The following AFAP1 variants were observed in gnomAD, a reference collection of about 807,000 sequenced individuals.
The protein encoded by AFAP1 is actin filament associated protein 1.
AFAP1 carries 75 observed loss-of-function variants against 93.9 expected under a neutral mutation model. The observed-to-expected ratio is 0.80, with a 90% CI of 0.66 to 0.97. The LOEUF (loss-of-function observed/expected upper bound fraction) is 0.97, where lower values mean the gene tolerates loss of function less well. AFAP1 is among the 50% of genes least tolerant of loss of function. The pLI is 0.00. For synonymous variants in AFAP1, 517 were observed against 430.7 expected, an observed-to-expected ratio of 1.20 and a Z score of -2.48; for missense variants, 1,201 against 1,050.8, an observed-to-expected ratio of 1.14 and a Z score of -1.98.
chr4:7,842,325 T>TA (rs899094207), intron 5 of AFAP1, among the ~76,000 whole-genome samples: 1 of 118,594 alleles, frequency 8.4e-6, no homozygotes, highest in African/African-American at 3.1e-5. Context: ...AAAAAAAAGA[T>TA]AAAAAAAGGA....
At chr4:7,807,123 GTC>G (rs1306931842) in intron 9 of AFAP1, among the ~76,000 whole-genome samples, 1 of 152,182 alleles carries the variant, frequency 6.6e-6, no homozygotes, top group Non-Finnish European at 1.5e-5. Context: ...TTGGGCCAAA[GTC>G]TCTCAATTGC....
chr4:7,925,180 T>C (rs1222656719), intron 1 of AFAP1, among the ~76,000 whole-genome samples: 2 of 150,984 alleles, frequency 1.3e-5, no homozygotes, highest in East Asian at 4.0e-4. Flanking sequence ...AGAATAAGTC[T>C]TAAATGAGGG....
At chr4:7,793,082 T>C (rs939337655) in intron 11 of AFAP1, among the ~76,000 whole-genome samples, 1 of 152,208 alleles carries the variant, frequency 6.6e-6, no homozygotes, top group Non-Finnish European at 1.5e-5. Flanking sequence ...TACCAAGAAC[T>C]GCTGCTACAA....
Position 7,798,489 on chromosome 4 carries a change from G to A in AFAP1, c.1266+1953C>T, listed in dbSNP as rs115652527. ...ATTGCAACTCTATTGGCTGGCTCAC[G>A]GCATTTCACCACTGATGAGGTCAGG... On this transcript the variant is annotated intron_variant, in intron 10 of 17. Coordinates refer to ENST00000420658, the MANE Select transcript of AFAP1 (RefSeq NM_001134647.2). Among the ~76,000 whole-genome samples, 290 of 148,432 alleles carry A rather than the reference G, an allele frequency of 2.0e-3. 1 individual carries two copies. The highest frequency in any genetic ancestry group is 6.0e-3 in the African/African-American group (242 of 40,186).
intron 4 of AFAP1, among the ~76,000 whole-genome samples, chr4:7,853,952 G>A (rs1049923072): frequency 6.6e-6 from 1 of 152,172 alleles, no homozygotes; most frequent in African/African-American, 2.4e-5. Context: ...CAGCCCCACT[G>A]AAGGGGCCGT....
intron 8 of AFAP1, among the ~76,000 whole-genome samples, chr4:7,813,033 T>C (rs1376105287): frequency 1.3e-5 from 2 of 152,180 alleles, no homozygotes; most frequent in African/African-American, 2.4e-5. Context: ...CAGGAGGGAT[T>C]CCGCCTTGAG....
intron 1 of AFAP1, among the ~76,000 whole-genome samples, chr4:7,891,879 C>A (rs1028066056): frequency 1.3e-5 from 2 of 151,554 alleles, no homozygotes; most frequent in Admixed American, 6.6e-5. Context: ...GGTGAAACCC[C>A]ATCTCTACTA....
chr4:7,861,676 C>T (rs1715713029), intron 3 of AFAP1, among the ~76,000 whole-genome samples: 1 of 152,212 alleles, frequency 6.6e-6, no homozygotes, highest in South Asian at 2.1e-4. Context: ...AGGCAGCCCA[C>T]CAGGGGCGGA....
At chr4:7,883,933 A>C (rs564746727) in intron 1 of AFAP1, among the ~76,000 whole-genome samples, 39 of 152,286 alleles carry the variant, frequency 2.6e-4, no homozygotes, top group Non-Finnish European at 2.9e-4. Flanking sequence ...ATACACTGAA[A>C]TCATTTGGAT....
intron 1 of AFAP1, among the ~76,000 whole-genome samples, chr4:7,901,694 C>G (rs1435107034): frequency 6.6e-6 from 1 of 152,234 alleles, no homozygotes; most frequent in Non-Finnish European, 1.5e-5. Context: ...TGTACACACA[C>G]TCGGATTTTA....
rs1433858977 is a variant in AFAP1, at chr4:7,763,672, G to GGC, written c.*91_*92dup. On this transcript the variant is annotated 3_prime_UTR_variant, in exon 18 of 18. Coordinates refer to ENST00000420658, the MANE Select transcript of AFAP1 (RefSeq NM_001134647.2). ...GGAGCCTCTGGAGTCGTGCAGCTGA[G>GGC]GCCACTCTGGGCAGAGCTTCCTGCC... is the stretch of plus-strand genomic sequence containing the variant. 6.7e-7 allele frequency: 1 copy of GGC among 1,493,430 alleles called. No homozygotes were observed. The highest frequency in any genetic ancestry group is 1.4e-5 in the African/African-American group (1 of 71,718). The allele number at this position is 1,493,430 out of a possible 1,614,324, so 92.5% of individuals were successfully genotyped here. A position where few individuals can be genotyped will look rare whatever the true frequency, so the allele number is the denominator to read the frequency against.
intron 6 of AFAP1, among the ~76,000 whole-genome samples, chr4:7,827,114 C>G (rs749552614): frequency 3.5e-4 from 53 of 152,232 alleles, no homozygotes; most frequent in Non-Finnish European, 6.0e-4. Context: ...ATCAGCTGGG[C>G]TGAAGAGCCC....
chr4:7,812,320 C>T (rs2067841), intron 8 of AFAP1, among the ~76,000 whole-genome samples: 3,731 of 152,126 alleles, frequency 0.025, 148 homozygotes, highest in African/African-American at 0.076. Flanking sequence ...TGCAGCTCAT[C>T]GCGGTGAGCT....
intron 1 of AFAP1, among the ~76,000 whole-genome samples, chr4:7,881,425 C>A (rs1345205670): frequency 6.6e-6 from 1 of 152,146 alleles, no homozygotes; most frequent in East Asian, 1.9e-4. Flanking sequence ...GTGAAGCCGT[C>A]CCTGATCATT....
At chr4:7,787,160 C>G (rs1431757528) in intron 11 of AFAP1, among the ~76,000 whole-genome samples, 4 of 152,234 alleles carry the variant, frequency 2.6e-5, no homozygotes, top group Non-Finnish European at 5.9e-5. Context: ...CCTGTGATTA[C>G]GGCTGGAACT....
chr4:7,798,321 G>A lies in AFAP1; in HGVS notation c.1266+2121C>T, dbSNP rs112576009. Among the ~76,000 whole-genome samples, 1,001 of 106,274 alleles carry A rather than the reference G, an allele frequency of 9.4e-3. 13 individuals carry two copies. Among genetic ancestry groups the A allele is most frequent in the East Asian group, 0.072 (92 of 1,272 alleles). The allele number at this position is 106,274 out of a possible 152,430, so 69.7% of individuals were successfully genotyped here. A position where few individuals can be genotyped will look rare whatever the true frequency, so the allele number is the denominator to read the frequency against. On this transcript the variant is annotated intron_variant, in intron 10 of 17. Transcript: ENST00000420658. ...ATTGCAACCCTATTGGCTGGCTCAC[G>A]GCATTGCAACTCTATTGGCTGGCTC...
chr4:7,791,169 T>C (rs1343343495), intron 11 of AFAP1, among the ~76,000 whole-genome samples: 2 of 152,306 alleles, frequency 1.3e-5, no homozygotes, highest in East Asian at 1.9e-4. Flanking sequence ...TCTGAGCCCA[T>C]CTTCTTCACA....
intron 3 of AFAP1, chr4:7,862,001 T>G (rs1259399986): frequency 2.0e-5 from 3 of 152,124 alleles, no homozygotes; most frequent in Non-Finnish European, 4.4e-5. Flanking sequence ...AAGGGCGAAA[T>G]GCATCGATGG....
chr4:7,774,990 A>G (rs1560149508), intron 14 of AFAP1, 87 bp from the exon 15 acceptor site: 4 of 1,501,530 alleles, frequency 2.7e-6, no homozygotes, highest in East Asian at 4.5e-5. Context: ...AAAAATACAA[A>G]ATTAGCCAGG....
Sources: gnomAD v4.1 joint callset for allele counts (sites outside exome capture counted in the v4.1 genomes callset) on GRCh38, gnomAD v4.1.1 for gene constraint, MANE v1.5 for transcripts, NCBI Gene and HGNC (gene_info 2026-07-23, HGNC 2026-07-21) for gene names.